RANBP17: variants seen among roughly 807,000 people sequenced by gnomAD.
The protein encoded by RANBP17 is RAN binding protein 17, also known as ran-binding protein 17.
A neutral mutation model predicts 141.2 loss-of-function variants in RANBP17; 158 were observed. The ratio of observed to expected loss-of-function variants is 1.12; its 90% CI spans 0.98 to 1.28. The LOEUF (loss-of-function observed/expected upper bound fraction) is 1.28, where lower values mean the gene tolerates loss of function less well. Among genes scored for constraint, RANBP17 ranks in the 50% most tolerant of loss-of-function variants. The pLI is 0.00. For synonymous variants in RANBP17, 430 were observed against 450.0 expected, an observed-to-expected ratio of 0.96 and a Z score of 0.56; for missense variants, 1,438 against 1,290.7, an observed-to-expected ratio of 1.11 and a Z score of -1.75.
At chr5:171,063,721 G>C (rs1784087050) in intron 14 of RANBP17, among the ~76,000 whole-genome samples, 1 of 152,230 alleles carries the variant, frequency 6.6e-6, no homozygotes, top group Non-Finnish European at 1.5e-5. Context: ...TAAGTCTGCA[G>C]AGGTTACTGC....
chr5:171,269,127 C>T (rs1468409034), intron 25 of RANBP17, among the ~76,000 whole-genome samples: 1 of 152,094 alleles, frequency 6.6e-6, no homozygotes, highest in Non-Finnish European at 1.5e-5. Flanking sequence ...ATATGATTTG[C>T]ATTAGCACTA....
chr5:171,201,218 G>A (rs965154041), intron 19 of RANBP17, among the ~76,000 whole-genome samples: 3 of 152,064 alleles, frequency 2.0e-5, no homozygotes, highest in South Asian at 2.1e-4. Flanking sequence ...AGTTCTTAAC[G>A]ACCCTGGAAA....
rs760059364 is a variant in RANBP17, at chr5:171,221,831, T to G, written c.2413T>G (p.Cys805Gly). The G allele has an allele frequency of 3.8e-6, 6 of 1,594,038 alleles. No homozygotes were observed. The highest frequency in any genetic ancestry group is 3.3e-5 in the Admixed American group (2 of 59,882). ...CTTCAGAGAAGCTAGTAAAATGGTTTGCACTTATGGTGAGTGTCCTTTTCC... is the reference window on the plus strand; with the variant it reads ...CTTCAGAGAAGCTAGTAAAATGGTTGGCACTTATGGTGAGTGTCCTTTTCC... Reference protein sequence around the residue: ...LLFREASKMVCTYGNQILSLG... With the variant: ...LLFREASKMVGTYGNQILSLG... Residue 805 changes from cysteine (C) to glycine (G), a missense_variant, in exon 22 of 28, where the codon TGC becomes GGC. By Grantham distance (159) the Cys-to-Gly change is radical. Coordinates refer to ENST00000523189, the MANE Select transcript of RANBP17 (RefSeq NM_022897.5).
At chr5:171,063,112 C>G (rs1784021660) in intron 14 of RANBP17, among the ~76,000 whole-genome samples, 1 of 152,142 alleles carries the variant, frequency 6.6e-6, no homozygotes. Flanking sequence ...TGAATTTCCT[C>G]TTATAGCTCG....
At chr5:170,903,887 T>C in intron 5 of RANBP17, 1 of 518,236 alleles carries the variant, frequency 1.9e-6, no homozygotes. Flanking sequence ...ATAAGGACCA[T>C]AATGAAATCA....
chr5:170,865,079 T>C (rs938442380), intron 1 of RANBP17, among the ~76,000 whole-genome samples: 12 of 152,142 alleles, frequency 7.9e-5, no homozygotes, highest in Non-Finnish European at 1.6e-4. Flanking sequence ...TTGTCGTTTG[T>C]TTTTTGAGAC....
In RANBP17 at chr5:171,125,583, C is replaced by T. The variant is rs190505308; in HGVS notation, c.1711-44547C>T. ...CAGCTATTATTGTATTGGTGTTTAA[C>T]GCTGTGCTTTCAGCATTCAACAGAT... is the stretch of plus-strand genomic sequence containing the variant. On this transcript the variant is annotated intron_variant, in intron 14 of 27. Coordinates refer to ENST00000523189, the MANE Select transcript of RANBP17 (RefSeq NM_022897.5). 1.0e-3 allele frequency among the ~76,000 whole-genome samples: 153 copies of T among 152,246 alleles called. 1 individual carries two copies. Among genetic ancestry groups the T allele is most frequent in the Non-Finnish European group, 1.8e-3 (121 of 68,008 alleles).
intron 14 of RANBP17, among the ~76,000 whole-genome samples, chr5:171,006,050 C>T (rs1261553428): frequency 1.3e-5 from 2 of 152,032 alleles, no homozygotes; most frequent in Non-Finnish European, 2.9e-5. Flanking sequence ...AATGAGATAC[C>T]ATCTCACACC....
At chr5:171,010,161 C>T (rs745633425) in intron 14 of RANBP17, among the ~76,000 whole-genome samples, 12 of 152,034 alleles carry the variant, frequency 7.9e-5, no homozygotes, top group Non-Finnish European at 1.6e-4. Context: ...AACCCAGAGG[C>T]AATGAAGGAA....
chr5:171,053,471 C>T (rs1475230092), intron 14 of RANBP17, among the ~76,000 whole-genome samples: 1 of 151,918 alleles, frequency 6.6e-6, no homozygotes, highest in African/African-American at 2.4e-5. Context: ...ATATTGTATC[C>T]TTTTGAATGC....
rs72488636 is a variant in RANBP17 at position 171,055,880 on chromosome 5, C to CAAAAAAAAA, written c.1710+87511_1710+87519dup. ...AGTTTCTCCAGTTGTGTCCTGTTGC[C>CAAAAAAAAA]AAAAAAAAAAAAAAAACAAAAAAAA... On this transcript the variant is annotated intron_variant, in intron 14 of 27. Transcript: ENST00000523189. Among the ~76,000 whole-genome samples, 12 of 25,098 alleles carry CAAAAAAAAA rather than the reference C, an allele frequency of 4.8e-4. 2 individuals carry two copies. The highest frequency in any genetic ancestry group is 1.3e-3 in the African/African-American group (12 of 9,562). The allele number at this position is 25,098 out of a possible 152,430, so 16.5% of individuals were successfully genotyped here.
rs138861793 is a variant in RANBP17 at position 171,026,859 on chromosome 5, T to C, written c.1710+58482T>C. ...GATCCCCAACCCCCAGGCCACAGGT[T>C]GGTACTGGTTTGTGACCTGTTAGGA... On this transcript the variant is annotated intron_variant, in intron 14 of 27. Transcript: ENST00000523189. Among the ~76,000 whole-genome samples, 618 of 152,286 alleles carry C rather than the reference T, an allele frequency of 4.1e-3. 5 individuals carry two copies. Among genetic ancestry groups the C allele is most frequent in the African/African-American group, 0.014 (596 of 41,570 alleles).
In RANBP17 at chr5:171,049,943, G is replaced by A. The variant is rs72827523; in HGVS notation, c.1710+81566G>A. Reference sequence around the variant, plus strand: ...GTTTCTTTTGCTTAGGATTGCTTTGGGTATTTGGGCTCATTTTTGTTCCAT... The same window carrying A: ...GTTTCTTTTGCTTAGGATTGCTTTGAGTATTTGGGCTCATTTTTGTTCCAT... On this transcript the variant is annotated intron_variant, in intron 14 of 27. Transcript: ENST00000523189. Among the ~76,000 whole-genome samples, 908 of 152,106 alleles carry A rather than the reference G, an allele frequency of 6.0e-3. 3 individuals are homozygous for A. In the Middle Eastern group the frequency reaches 0.061, roughly 10 times the overall value.
At chr5:171,197,513 A>G (rs962347791) in intron 18 of RANBP17, among the ~76,000 whole-genome samples, 2 of 152,210 alleles carry the variant, frequency 1.3e-5, no homozygotes, top group African/African-American at 4.8e-5. Context: ...TCCTTCACTG[A>G]GAAACTCAAA....
At chr5:171,093,215 C>CCAAA (rs1554096760) in intron 14 of RANBP17, among the ~76,000 whole-genome samples, 15 of 150,240 alleles carry the variant, frequency 1.0e-4, no homozygotes, top group African/African-American at 3.7e-4. Context: ...AGTCTCCCCC[C>CCAAA]AAAAAAAAAA....
chr5:171,174,967 C>T lies in RANBP17; in HGVS notation c.1865+3681C>T, dbSNP rs532464409. On this transcript the variant is annotated intron_variant, in intron 16 of 27. Coordinates refer to ENST00000523189, the MANE Select transcript of RANBP17 (RefSeq NM_022897.5). ...CCTCCCCTAGCCCTTCACCCCCCTA[C>T]AGGCCCTGGTGTGTGATATTCCCCT... 1.4e-4 allele frequency among the ~76,000 whole-genome samples: 21 copies of T among 152,090 alleles called. 1 individual carries two copies. In the South Asian group the frequency reaches 4.4e-3, roughly 32 times the overall value.
At chr5:171,173,490 T>G (rs1052576961) in intron 16 of RANBP17, among the ~76,000 whole-genome samples, 1 of 152,124 alleles carries the variant, frequency 6.6e-6, no homozygotes, top group Admixed American at 6.6e-5. Context: ...TTATAGTACA[T>G]GTCTTCAGAT....
intron 14 of RANBP17, among the ~76,000 whole-genome samples, chr5:171,148,643 C>T (rs1161784452): frequency 2.0e-5 from 3 of 151,512 alleles, no homozygotes; most frequent in African/African-American, 7.3e-5. Context: ...ATTTCATGAT[C>T]ATATATATAA....
chr5:171,248,366 CAAAAA>C (rs1217728868), intron 24 of RANBP17, among the ~76,000 whole-genome samples: 1 of 60,392 alleles, frequency 1.7e-5, no homozygotes, highest in Admixed American at 1.8e-4. Flanking sequence ...GACTCCATCT[CAAAAA>C]AAAAAAAAAA....
Sources: gnomAD v4.1 joint callset for allele counts (sites outside exome capture counted in the v4.1 genomes callset) on GRCh38, gnomAD v4.1.1 for gene constraint, MANE v1.5 for transcripts, NCBI Gene and HGNC (gene_info 2026-07-23, HGNC 2026-07-21) for gene names.